COL7A1: variants seen among roughly 807,000 people sequenced by gnomAD.
COL7A1 encodes the protein collagen alpha-1(VII) chain.
A neutral mutation model predicts 456.2 loss-of-function variants in COL7A1; 296 were observed. The ratio of observed to expected loss-of-function variants is 0.65; its 90% CI spans 0.59 to 0.71. The LOEUF (loss-of-function observed/expected upper bound fraction) is 0.71, where lower values mean the gene tolerates loss of function less well. Among genes scored for constraint, COL7A1 ranks in the 30% least tolerant of loss-of-function variants. The probability of loss-of-function intolerance (pLI) is 0.00; values close to 1 mark genes in which losing one functional copy is unlikely to be tolerated. For missense variants in COL7A1, 3,441 were observed against 4,017.2 expected, an observed-to-expected ratio of 0.86 and a Z score of 3.88; for synonymous variants, 1,464 against 1,525.9, an observed-to-expected ratio of 0.96 and a Z score of 0.95.
At position 48,568,466 on chromosome 3, in the gene COL7A1, C is replaced by A; in HGVS notation, c.7794+33G>T. 1 of 1,586,768 alleles carries A rather than the reference C, an allele frequency of 6.3e-7. No individual in the cohort carries two copies. The highest frequency in any genetic ancestry group is 8.6e-7 in the Non-Finnish European group (1 of 1,162,736). On this transcript the variant is annotated intron_variant, in intron 105 of 118. Coordinates refer to ENST00000681320, the MANE Select transcript of COL7A1 (RefSeq NM_000094.4). This position sits in a 1 kb window ranked among gnomAD's most constrained non-coding sequence, Gnocchi z 5.2. ...CATGGTGACGGGGGCCCTCTGGGGACAGGGGGCCCCTGTGGGAGCAGGGGC... is the reference window on the plus strand; with the variant it reads ...CATGGTGACGGGGGCCCTCTGGGGAAAGGGGGCCCCTGTGGGAGCAGGGGC...
rs369040036 is a variant in COL7A1 at position 48,592,643 on chromosome 3, G to A, written c.903C>T (p.Thr301=). 4.0e-5 allele frequency: 64 copies of A among 1,613,820 alleles called. No individual in the cohort carries two copies. Among genetic ancestry groups the A allele is most frequent in the Middle Eastern group, 1.6e-4 (1 of 6,084 alleles). The change falls in exon 8 of 119, where the codon ACC becomes ACT. Residue 301 remains threonine (T), a synonymous_variant. Coordinates refer to ENST00000681320, the MANE Select transcript of COL7A1 (RefSeq NM_000094.4). This position sits in a 1 kb window ranked among gnomAD's most constrained non-coding sequence, Gnocchi z 7.6. ...SVRLRGLRPL[T]EYQVTVIALY... Reference sequence around the variant, plus strand: ...GGGCAATCACAGTCACTTGGTACTCGGTCAGTGGCCGGAGACCCCGCAGCC... The same window carrying A: ...GGGCAATCACAGTCACTTGGTACTCAGTCAGTGGCCGGAGACCCCGCAGCC...
chr3:48,573,725 C>A lies in COL7A1; in HGVS notation c.6538G>T (p.Gly2180Cys), dbSNP rs2044089737. 6.2e-7 allele frequency: 1 copy of A among 1,613,522 alleles called. No homozygotes were observed. The highest frequency in any genetic ancestry group is 8.5e-7 in the Non-Finnish European group (1 of 1,179,770). ...GGTGGTCCAGGGTCTCCATGACCAC[C>A]CTGTTGTGGCGAAAAAGAGTCTGAT... Reference protein sequence around the residue: ...QGPRGPPGPVGGHGDPGPPGA... With the variant: ...QGPRGPPGPVCGHGDPGPPGA... The change falls in exon 82 of 119, where the codon GGT becomes TGT. Residue 2180 changes from glycine (G) to cysteine (C), a missense_variant and splice_region_variant. Around this residue, in one of 3 missense-constraint regions of COL7A1, gnomAD observed 2,084 missense variants for 2,501.3 expected, o/e 0.83. Coordinates refer to ENST00000681320, the MANE Select transcript of COL7A1 (RefSeq NM_000094.4). This position sits in a 1 kb window ranked among gnomAD's most constrained non-coding sequence, Gnocchi z 5.5.
Position 48,594,388 on chromosome 3 carries a change from C to A in COL7A1, c.246G>T (p.Val82=), listed in dbSNP as rs2107806454. The A allele has an allele frequency of 6.2e-7, 1 of 1,611,212 alleles. No homozygotes were observed. Among genetic ancestry groups the A allele is most frequent in the Non-Finnish European group, 8.5e-7 (1 of 1,180,032 alleles). The change falls in exon 3 of 119, where the codon GTG becomes GTT. Residue 82 remains valine (V), a synonymous_variant. Transcript: ENST00000681320. This position sits in a 1 kb window ranked among gnomAD's most constrained non-coding sequence, Gnocchi z 5.5. ...CTCACCGTGGGTCATCGCTGTACTG[C>A]ACTGTGGCAAAGCGCACACCCTGTG... ...ASAQGVRFAT[V]QYSDDPRTEF...
Position 48,577,040 on chromosome 3 carries a change from G to T in COL7A1, c.5533-13C>A. 2.5e-6 allele frequency: 4 copies of T among 1,613,844 alleles called. No homozygotes were observed. The highest frequency in any genetic ancestry group is 8.5e-7 in the Non-Finnish European group (1 of 1,180,034). On this transcript the variant is annotated splice_polypyrimidine_tract_variant and intron_variant, in intron 65 of 118. Coordinates refer to ENST00000681320, the MANE Select transcript of COL7A1 (RefSeq NM_000094.4). ...CCCCAGGTTCTCCCTGTGGGCAGAG[G>T]ACTCACATCAGCCCAAACATTCACT...
At position 48,566,224 on chromosome 3, in the gene COL7A1, G is replaced by A. The variant is rs763879839; in HGVS notation, c.8407+43C>T. The A allele has an allele frequency of 1.1e-5, 17 of 1,578,210 alleles. No individual in the cohort carries two copies. Among genetic ancestry groups the A allele is most frequent in the Admixed American group, 1.9e-5 (1 of 52,988 alleles). ...AGGGGCCTGCCTGCCCTTGCCTAGG[G>A]TGCTGGGGTGGAGTGGGAGACTGCG... On this transcript the variant is annotated intron_variant, in intron 114 of 118. Coordinates refer to ENST00000681320, the MANE Select transcript of COL7A1 (RefSeq NM_000094.4). The surrounding 1 kb of genome is among the most constrained non-coding windows in gnomAD (Gnocchi z 5.9).
In COL7A1 at chr3:48,586,814, T is replaced by G. The variant is rs1369228267; in HGVS notation, c.3277-125A>C. The G allele has an allele frequency of 1.3e-6, 2 of 1,505,950 alleles. No individual in the cohort carries two copies. The highest frequency in any genetic ancestry group is 2.8e-5 in the African/African-American group (2 of 72,126). The allele number at this position is 1,505,950 out of a possible 1,614,324, so 93.3% of individuals were successfully genotyped here. A position where few individuals can be genotyped will look rare whatever the true frequency, so the allele number is the denominator to read the frequency against. On this transcript the variant is annotated intron_variant, in intron 25 of 118. Coordinates refer to ENST00000681320, the MANE Select transcript of COL7A1 (RefSeq NM_000094.4). The surrounding 1 kb of genome is among the most constrained non-coding windows in gnomAD (Gnocchi z 5.1). ...CTATCTATTAGGGAGTCAGCAGTGA[T>G]GGCAGGATAGGGAGCCAGGCAGTAG...
At position 48,587,578 on chromosome 3, in the gene COL7A1, G is replaced by A; in HGVS notation, c.2858-24C>T. ...CTCTGAAGGAGGAATGAAAGATCGA[G>A]GATCAGAGGCTGAGTCCTGAGAACC... On this transcript the variant is annotated intron_variant, in intron 22 of 118. Coordinates refer to ENST00000681320, the MANE Select transcript of COL7A1 (RefSeq NM_000094.4). The surrounding 1 kb of genome is among the most constrained non-coding windows in gnomAD (Gnocchi z 6.1). 2 of 1,613,404 alleles carry A rather than the reference G, an allele frequency of 1.2e-6. No individual in the cohort carries two copies. The highest frequency in any genetic ancestry group is 1.7e-6 in the Non-Finnish European group (2 of 1,180,022).
Position 48,586,710 on chromosome 3 carries a change from G to C in COL7A1, c.3277-21C>G. On this transcript the variant is annotated intron_variant, in intron 25 of 118. Transcript: ENST00000681320. This position sits in a 1 kb window ranked among gnomAD's most constrained non-coding sequence, Gnocchi z 5.1. ...CCAACCTGGGGTGGAAGGAAACACA[G>C]AGCCTGAGGAGGATGACAGAGCAGG... 6.4e-7 allele frequency: 1 copy of C among 1,563,182 alleles called. No individual in the cohort carries two copies. Among genetic ancestry groups the C allele is most frequent in the South Asian group, 1.2e-5 (1 of 85,886 alleles).
Position 48,582,371 on chromosome 3 carries a change from G to A in COL7A1, c.4600-13C>T. 3 of 1,614,078 alleles carry A rather than the reference G, an allele frequency of 1.9e-6. No individual in the cohort carries two copies. Among genetic ancestry groups the A allele is most frequent in the African/African-American group, 2.7e-5 (2 of 75,034 alleles). ...GACCAGGCTCCCCCTGTGGAGAGAGGATAGGAGCAGGGACAGGTCAGGGAG... is the reference window on the plus strand; with the variant it reads ...GACCAGGCTCCCCCTGTGGAGAGAGAATAGGAGCAGGGACAGGTCAGGGAG... On this transcript the variant is annotated splice_polypyrimidine_tract_variant and intron_variant, in intron 46 of 118. Transcript: ENST00000681320.
Position 48,578,181 on chromosome 3 carries a change from T to A in COL7A1, c.5532+140A>T. On this transcript the variant is annotated intron_variant, in intron 65 of 118. Coordinates refer to ENST00000681320, the MANE Select transcript of COL7A1 (RefSeq NM_000094.4). The surrounding 1 kb of genome is among the most constrained non-coding windows in gnomAD (Gnocchi z 4.7). ...CTCCATCTCAAAAAAAAAAAAACTA[T>A]GTTTCTGGATGCATCTGTATGTCTG... is the stretch of plus-strand genomic sequence containing the variant. 1.0e-6 allele frequency: 1 copy of A among 958,748 alleles called. No homozygotes were observed. The highest frequency in any genetic ancestry group is 1.6e-6 in the Non-Finnish European group (1 of 630,562). 59.4% of individuals were successfully genotyped at this position (958,748 alleles called of 1,614,324 possible). A position where few individuals can be genotyped will look rare whatever the true frequency, so the allele number is the denominator to read the frequency against.
At position 48,574,837 on chromosome 3, in the gene COL7A1, A is replaced by G; in HGVS notation, c.6308T>C (p.Leu2103Pro). Residue 2103 changes from leucine to proline, a missense_variant, in exon 77 of 119, where the codon CTC becomes CCC. By Grantham distance (98) the Leu-to-Pro change is moderately conservative. Transcript: ENST00000681320. This position sits in a 1 kb window ranked among gnomAD's most constrained non-coding sequence, Gnocchi z 5.0. ...KVSVDEPGPG[L>P]SGEQGPPGLK... The stretch of plus-strand genomic sequence containing the variant: ...TCCAGGGGGTCCCTGTTCTCCAGAG[A>G]GTCCAGGACCTGGCTCATCCACAGA... The G allele has an allele frequency of 6.2e-7, 1 of 1,613,812 alleles. No individual in the cohort carries two copies.
Position 48,583,383 on chromosome 3 carries a change from T to C in COL7A1, c.4437+10A>G, listed in dbSNP as rs757417079. 1 of 1,614,002 alleles carries C rather than the reference T, an allele frequency of 6.2e-7. No individual in the cohort carries two copies. On this transcript the variant is annotated intron_variant, in intron 42 of 118. Transcript: ENST00000681320. This position sits in a 1 kb window ranked among gnomAD's most constrained non-coding sequence, Gnocchi z 5.1. ...ACCCCTCACACCTGAATCCCCCAAC[T>C]GGTACTCACTTTGGGGCCAATAGCT...
rs952390121 is a variant in COL7A1, at chr3:48,594,227, G to A, written c.266+141C>T. On this transcript the variant is annotated intron_variant, in intron 3 of 118. Coordinates refer to ENST00000681320, the MANE Select transcript of COL7A1 (RefSeq NM_000094.4). This position sits in a 1 kb window ranked among gnomAD's most constrained non-coding sequence, Gnocchi z 5.5. ...ATCCTTACCTCTGTCTCCAAAGGAG[G>A]TCCTGGCTAGGGGGTCTCTAGGTTC... The A allele has an allele frequency of 2.1e-6, 2 of 937,248 alleles. No individual in the cohort carries two copies. Among genetic ancestry groups the A allele is most frequent in the African/African-American group, 1.6e-5 (1 of 61,026 alleles). 58.1% of individuals were successfully genotyped at this position (937,248 alleles called of 1,614,324 possible).
chr3:48,576,112 C>T lies in COL7A1; in HGVS notation c.5820+137G>A, dbSNP rs947422455. On this transcript the variant is annotated intron_variant, in intron 71 of 118. Transcript: ENST00000681320. The stretch of plus-strand genomic sequence containing the variant: ...CCCAAGTTCCCTTGAGTGTGGGCTA[C>T]AAGAACCCCAATGGGGCAGGGCACT... 19 of 1,451,774 alleles carry T rather than the reference C, an allele frequency of 1.3e-5. No homozygotes were observed. In the East Asian group the frequency reaches 4.3e-4, roughly 33 times the overall value. The allele number at this position is 1,451,774 out of a possible 1,614,324, so 89.9% of individuals were successfully genotyped here.
rs376121181 is a variant in COL7A1, at chr3:48,587,487, G to C, written c.2925C>G (p.Ala975=). 19 of 1,613,364 alleles carry C rather than the reference G, an allele frequency of 1.2e-5. No homozygotes were observed. The highest frequency in any genetic ancestry group is 1.6e-5 in the Non-Finnish European group (19 of 1,180,030). Residue 975 remains alanine (A), a synonymous_variant, in exon 23 of 119, where the codon GCC becomes GCG. Coordinates refer to ENST00000681320, the MANE Select transcript of COL7A1 (RefSeq NM_000094.4). This position sits in a 1 kb window ranked among gnomAD's most constrained non-coding sequence, Gnocchi z 6.1. ...VDTSIDSVTL[A]WTPVSRASSY... ...TGGATGCCCTGGACACTGGAGTCCA[G>C]GCCAAAGTCACCGAGTCGATCGAGG...
rs1371232722 is a variant in COL7A1 at position 48,586,575 on chromosome 3, C to A, written c.3391G>T (p.Gly1131Trp). The A allele has an allele frequency of 1.2e-6, 2 of 1,613,682 alleles. No homozygotes were observed. The highest frequency in any genetic ancestry group is 2.7e-5 in the African/African-American group (2 of 74,936). ...CTGCAGTCCTCACCCAGGTTGTTCCCACTTGGGTCCATGTAGGGCATGTCA... is the reference window on the plus strand; with the variant it reads ...CTGCAGTCCTCACCCAGGTTGTTCCAACTTGGGTCCATGTAGGGCATGTCA... ...IRDMPYMDPS[G>W]NNLGTAVVTA... Residue 1131 changes from glycine (G) to tryptophan (W), a missense_variant, in exon 26 of 119, where the codon GGG (glycine) becomes TGG (tryptophan). This residue lies in a region of COL7A1 where 2,084 missense variants were observed against 2,501.3 expected (regional missense o/e 0.83). Transcript: ENST00000681320. This position sits in a 1 kb window ranked among gnomAD's most constrained non-coding sequence, Gnocchi z 5.1.
At chr3:48,576,970 G>C (rs1228625852) in intron 66 of COL7A1, 22 bp downstream of exon 66, 6 of 1,614,006 alleles carry the variant, frequency 3.7e-6, no homozygotes, top group Non-Finnish European at 5.1e-6. Flanking sequence ...AGACCAGAGA[G>C]ACCCCAGGTG....
Position 48,585,176 on chromosome 3 carries a change from G to T in COL7A1, c.3895-60C>A. 11 of 1,548,990 alleles carry T rather than the reference G, an allele frequency of 7.1e-6. No homozygotes were observed. The highest frequency in any genetic ancestry group is 8.8e-6 in the Non-Finnish European group (10 of 1,132,354). On this transcript the variant is annotated intron_variant, in intron 32 of 118. Coordinates refer to ENST00000681320, the MANE Select transcript of COL7A1 (RefSeq NM_000094.4). The surrounding 1 kb of genome is among the most constrained non-coding windows in gnomAD (Gnocchi z 4.5). ...CCTCCCCCAAGGCCCCTGGTTTGCT[G>T]GAGGGGCCTCACCCCATCAACAAGG...
In COL7A1 at chr3:48,574,029, C is replaced by G; in HGVS notation, c.6502-139G>C. 3 of 1,203,588 alleles carry G rather than the reference C, an allele frequency of 2.5e-6. No homozygotes were observed. The South Asian group carries it at 4.0e-5, about 16-fold the overall frequency. The allele number at this position is 1,203,588 out of a possible 1,614,324, so 74.6% of individuals were successfully genotyped here. A position where few individuals can be genotyped will look rare whatever the true frequency, so the allele number is the denominator to read the frequency against. ...CAGATAATACCTACCCATGGACTGCCTCTCATAGATAGCACACACGGGCCT... is the reference window on the plus strand; with the variant it reads ...CAGATAATACCTACCCATGGACTGCGTCTCATAGATAGCACACACGGGCCT... On this transcript the variant is annotated intron_variant, in intron 80 of 118. Transcript: ENST00000681320. This position sits in a 1 kb window ranked among gnomAD's most constrained non-coding sequence, Gnocchi z 5.0.
Sources: allele counts gnomAD v4.1 joint callset, GRCh38; gene constraint gnomAD v4.1.1; regional missense constraint gnomAD v4.1.1; non-coding constraint Gnocchi (gnomAD v3.1); transcripts MANE v1.5; gene names NCBI Gene and HGNC (gene_info 2026-07-23, HGNC 2026-07-21).